The following RC3H1 variants were observed in gnomAD, a reference collection of about 807,000 sequenced individuals.
RC3H1 encodes the protein ring finger and CCCH-type domains 1, also known as roquin-1.
Under a neutral mutation model 138.2 loss-of-function variants are expected in RC3H1, and 50 were observed. The ratio of observed to expected loss-of-function variants is 0.36; its 90% CI spans 0.29 to 0.46. The LOEUF (loss-of-function observed/expected upper bound fraction) is 0.46, where lower values mean the gene tolerates loss of function less well. RC3H1 is among the 20% of genes least tolerant of loss of function. The pLI is 1.00. For synonymous variants in RC3H1, 462 were observed against 489.1 expected, an observed-to-expected ratio of 0.94 and a Z score of 0.73; for missense variants, 1,031 against 1,388.1, an observed-to-expected ratio of 0.74 and a Z score of 4.09.
chr1:173,980,255 G>GAAAAAA (rs1209819661), intron 6 of RC3H1, among the ~76,000 whole-genome samples: 1 of 76,144 alleles, frequency 1.3e-5, no homozygotes, highest in Non-Finnish European at 2.6e-5. Context: ...TTAGAAATAG[G>GAAAAAA]AAAAAAAAAA....
intron 1 of RC3H1, among the ~76,000 whole-genome samples, chr1:174,003,428 G>C (rs1231989699): frequency 1.4e-5 from 2 of 142,830 alleles, no homozygotes; most frequent in Non-Finnish European, 3.1e-5. Context: ...CACGTACGGG[G>C]AATCATCCTT....
intron 13 of RC3H1, among the ~76,000 whole-genome samples, chr1:173,957,945 C>T (rs1010979976): frequency 2.0e-5 from 3 of 152,092 alleles, no homozygotes; most frequent in Admixed American, 2.0e-4. Flanking sequence ...AAAACTCATC[C>T]AAAGTGTTTA....
chr1:173,965,842 T>C (rs1364455037), intron 9 of RC3H1, among the ~76,000 whole-genome samples: 1 of 152,050 alleles, frequency 6.6e-6, no homozygotes, highest in African/African-American at 2.4e-5. Context: ...TCATTTACTC[T>C]GTTAAAAAAT....
intron 1 of RC3H1, among the ~76,000 whole-genome samples, chr1:174,001,193 T>C (rs1322488981): frequency 6.6e-6 from 1 of 152,072 alleles, no homozygotes; most frequent in Non-Finnish European, 1.5e-5. Context: ...AAAATTTCTA[T>C]CTCCAACCTA....
intron 2 of RC3H1, among the ~76,000 whole-genome samples, chr1:173,989,060 A>AT (rs1208379548): frequency 6.6e-6 from 1 of 152,164 alleles, no homozygotes; most frequent in Non-Finnish European, 1.5e-5. Context: ...ATAGGGTCTC[A>AT]TTCTGTTGCC....
rs1445569985 is a variant in RC3H1 at position 174,006,901 on chromosome 1, T to C, written c.-150-13766A>G. Among the ~76,000 whole-genome samples the C allele has an allele frequency of 2.0e-5, 3 of 152,138 alleles. 1 individual carries two copies. The highest frequency in any genetic ancestry group is 2.0e-4 in the Admixed American group (3 of 15,270). On this transcript the variant is annotated intron_variant, in intron 1 of 19. Transcript: ENST00000367696. The stretch of plus-strand genomic sequence containing the variant: ...TGATATTTTAAGATGAAGTATAACA[T>C]ACATACAGATCAAGAGTGTTCAGTT...
At chr1:173,942,572 C>T (rs1348385761) in intron 18 of RC3H1, among the ~76,000 whole-genome samples, 1 of 152,004 alleles carries the variant, frequency 6.6e-6, no homozygotes, top group Non-Finnish European at 1.5e-5. Context: ...GTGGCTCACA[C>T]CTGTAATCCC....
rs374085645 is a variant in RC3H1 at position 173,968,720 on chromosome 1, T to C, written c.1334+1785A>G. Among the ~76,000 whole-genome samples, 36 of 152,304 alleles carry C rather than the reference T, an allele frequency of 2.4e-4. No individual in the cohort carries two copies. In the East Asian group the frequency reaches 5.8e-3, roughly 24 times the overall value. On this transcript the variant is annotated intron_variant, in intron 9 of 19. Coordinates refer to ENST00000367696, the MANE Select transcript of RC3H1 (RefSeq NM_172071.4). ...TAATTACTAGCAGAAAATTTTGCTT[T>C]ATCCTTGACTTTAATGAGAGTGAAT...
In RC3H1 at chr1:173,931,683, T is replaced by C. The variant is rs1454548148; in HGVS notation, c.*7038A>G. The C allele has an allele frequency of 6.6e-6, 1 of 152,194 alleles. No homozygotes were observed. Among genetic ancestry groups the C allele is most frequent in the African/African-American group, 2.4e-5 (1 of 41,448 alleles). 9.4% of individuals were successfully genotyped at this position (152,194 alleles called of 1,614,324 possible). ...GGTCTATTTCAAATAGGGTTCTTTT[T>C]CCTACTCCAAAAGAACTCTCAGGAG... On this transcript the variant is annotated 3_prime_UTR_variant, in exon 20 of 20. Coordinates refer to ENST00000367696, the MANE Select transcript of RC3H1 (RefSeq NM_172071.4).
rs898938729 is a variant in RC3H1, at chr1:173,947,570, T to G, written c.2536A>C (p.Lys846Gln). ...TCTAATCGCTGGTCCCTCATTCCTT[T>G]ACTCTCCACATTCTGATAAAAAAGC... is the stretch of plus-strand genomic sequence containing the variant. The part of the protein sequence containing the change: ...GSVEMMNVES[K>Q]GMRDQRLDLQ... Residue 846 changes from lysine to glutamine, a missense_variant, in exon 15 of 20, where the codon AAA becomes CAA. Transcript: ENST00000367696. The G allele has an allele frequency of 7.4e-6, 12 of 1,613,810 alleles. No individual in the cohort carries two copies. Among genetic ancestry groups the G allele is most frequent in the Middle Eastern group, 1.6e-4 (1 of 6,064 alleles).
chr1:173,973,414 T>A (rs1660447691), intron 7 of RC3H1, among the ~76,000 whole-genome samples: 1 of 151,764 alleles, frequency 6.6e-6, no homozygotes, highest in African/African-American at 2.4e-5. Context: ...CACGCGCCTA[T>A]AGTCCCAGCA....
intron 1 of RC3H1, among the ~76,000 whole-genome samples, chr1:174,018,140 G>A (rs1359385946): frequency 3.3e-5 from 5 of 152,142 alleles, no homozygotes; most frequent in Non-Finnish European, 7.4e-5. Flanking sequence ...TAATGCCACT[G>A]CACTCCAGCC....
At chr1:173,968,314 G>A (rs970380893) in intron 9 of RC3H1, among the ~76,000 whole-genome samples, 3 of 152,104 alleles carry the variant, frequency 2.0e-5, no homozygotes, top group African/African-American at 7.2e-5. Flanking sequence ...ATCATGGTGA[G>A]ATTTAAATTC....
At chr1:174,012,784 C>CAA (rs11397475) in intron 1 of RC3H1, among the ~76,000 whole-genome samples, 1,907 of 112,758 alleles carry the variant, frequency 0.017, 48 homozygotes, top group African/African-American at 0.05. Context: ...GACTCTGTCT[C>CAA]AAAAAAAAAA....
At chr1:173,981,878 C>T (rs1020062373) in intron 5 of RC3H1, among the ~76,000 whole-genome samples, 8 of 151,340 alleles carry the variant, frequency 5.3e-5, no homozygotes, top group Admixed American at 2.6e-4. Context: ...CCAGCCTGGG[C>T]GACAGAGCAA....
At chr1:173,989,616 T>C (rs1395615996) in intron 2 of RC3H1, among the ~76,000 whole-genome samples, 1 of 152,126 alleles carries the variant, frequency 6.6e-6, no homozygotes. Context: ...TCAGAAAGAC[T>C]TATGTCTATA....
intron 17 of RC3H1, among the ~76,000 whole-genome samples, chr1:173,945,853 G>C (rs898603232): frequency 1.3e-5 from 2 of 151,938 alleles, no homozygotes; most frequent in African/African-American, 4.8e-5. Context: ...GATTACAGGT[G>C]CACACCACCA....
intron 7 of RC3H1, among the ~76,000 whole-genome samples, chr1:173,976,872 TACAA>T (rs1185655524): frequency 6.6e-6 from 1 of 151,664 alleles, no homozygotes. Flanking sequence ...TAAGCAATTC[TACAA>T]ACAATGAAAG....
chr1:173,962,002 T>TA lies in RC3H1; in HGVS notation c.1924dup (p.Tyr642LeufsTer30). On this transcript the variant is annotated frameshift_variant, in exon 12 of 20. Coordinates refer to ENST00000367696, the MANE Select transcript of RC3H1 (RefSeq NM_172071.4). LOFTEE classifies it high-confidence loss of function. ...AACACGTTCTTGGAGGTAGGGTGGA[T>TA]AATGATCCAAGTAGGGAGGAGCAGG... 6.2e-7 allele frequency: 1 copy of TA among 1,614,054 alleles called. No homozygotes were observed. Among genetic ancestry groups the TA allele is most frequent in the African/African-American group, 1.3e-5 (1 of 74,998 alleles).
Sources: allele counts gnomAD v4.1 joint callset (sites outside exome capture counted in the v4.1 genomes callset), GRCh38; gene constraint gnomAD v4.1.1; transcripts MANE v1.5; gene names NCBI Gene and HGNC (gene_info 2026-07-23, HGNC 2026-07-21).